PDE4B: variants seen among roughly 807,000 people sequenced by gnomAD.
The protein encoded by PDE4B is 3',5'-cyclic-AMP phosphodiesterase 4B.
A neutral mutation model predicts 82.2 loss-of-function variants in PDE4B; 20 were observed. The observed-to-expected ratio is 0.24, with a 90% CI of 0.17 to 0.35. The LOEUF (loss-of-function observed/expected upper bound fraction) is 0.35. PDE4B is among the 10% of genes least tolerant of loss of function. The probability of loss-of-function intolerance (pLI) is 1.00; values close to 1 mark genes in which losing one functional copy is unlikely to be tolerated. For missense variants in PDE4B, 655 were observed against 907.2 expected, an observed-to-expected ratio of 0.72 and a Z score of 3.57; for synonymous variants, 320 against 318.9, an observed-to-expected ratio of 1.00 and a Z score of -0.04.
intron 3 of PDE4B, among the ~76,000 whole-genome samples, chr1:66,107,611 A>G (rs1206149896): frequency 6.6e-6 from 1 of 152,044 alleles, no homozygotes; most frequent in Admixed American, 6.6e-5. Flanking sequence ...TTCTTGCTGC[A>G]GAAATAACAT....
intron 3 of PDE4B, among the ~76,000 whole-genome samples, chr1:66,232,036 C>T (rs1240788125): frequency 6.6e-6 from 1 of 152,160 alleles, no homozygotes; most frequent in Non-Finnish European, 1.5e-5. Flanking sequence ...CTAAGACCTG[C>T]TCATAGGCAT....
chr1:66,122,703 C>CTTTTTTTTTTTTTT (rs3036785), intron 3 of PDE4B, among the ~76,000 whole-genome samples: 3 of 111,958 alleles, frequency 2.7e-5, no homozygotes, highest in Non-Finnish European at 3.5e-5. Context: ...CTCTTCTTTT[C>CTTTTTTTTTTTTTT]TTTTTTTTTT....
rs115922110 is a variant in PDE4B, at chr1:66,372,718, G to A, written c.*40G>A. 2,389 of 1,574,692 alleles carry A rather than the reference G, an allele frequency of 1.5e-3. 31 individuals carry two copies. The African/African-American group carries it at 0.028, about 18-fold the overall frequency. ...TGGAGATGAACATTCTATCCTTGAT[G>A]AGCATGCCAGCTATGTGGTAGGGCC... On this transcript the variant is annotated 3_prime_UTR_variant, in exon 17 of 17. Coordinates refer to ENST00000341517, the MANE Select transcript of PDE4B (RefSeq NM_002600.4).
At chr1:66,131,155 T>TA (rs991403270) in intron 3 of PDE4B, among the ~76,000 whole-genome samples, 2 of 152,060 alleles carry the variant, frequency 1.3e-5, no homozygotes, top group African/African-American at 4.8e-5. Context: ...TGTGCAAAGG[T>TA]AAAAAACATA....
chr1:66,086,622 A>T (rs1411050689), intron 3 of PDE4B, among the ~76,000 whole-genome samples: 1 of 152,186 alleles, frequency 6.6e-6, no homozygotes, highest in Non-Finnish European at 1.5e-5. Context: ...ATTTTCTATT[A>T]TGCCAGTGGA....
intron 6 of PDE4B, among the ~76,000 whole-genome samples, chr1:66,264,151 A>G (rs947061950): frequency 2.0e-5 from 3 of 152,236 alleles, no homozygotes; most frequent in Admixed American, 2.0e-4. Flanking sequence ...TACAGGATGC[A>G]TGAGAGCACA....
chr1:66,093,018 TA>T (rs1162880133), intron 3 of PDE4B, among the ~76,000 whole-genome samples: 1 of 152,116 alleles, frequency 6.6e-6, no homozygotes, highest in Non-Finnish European at 1.5e-5. Context: ...TAAATGTATT[TA>T]AAAAATCACC....
chr1:66,369,346 C>A (rs1369290269), intron 16 of PDE4B, among the ~76,000 whole-genome samples: 1 of 152,180 alleles, frequency 6.6e-6, no homozygotes, highest in Non-Finnish European at 1.5e-5. Context: ...GCTTCCAGCC[C>A]TCTGTTTTTA....
chr1:66,294,026 T>A (rs1437565998), intron 7 of PDE4B, among the ~76,000 whole-genome samples: 1 of 152,128 alleles, frequency 6.6e-6, no homozygotes, highest in Non-Finnish European at 1.5e-5. Context: ...GCCAACATGG[T>A]GAAACCTCAT....
intron 3 of PDE4B, among the ~76,000 whole-genome samples, chr1:66,108,092 T>C (rs911738429): frequency 1.3e-5 from 2 of 151,938 alleles, no homozygotes; most frequent in Admixed American, 6.6e-5. Context: ...TCTACTCTCT[T>C]AGCAATTTTC....
intron 3 of PDE4B, among the ~76,000 whole-genome samples, chr1:66,008,647 G>A (rs1488638863): frequency 3.9e-5 from 6 of 151,952 alleles, no homozygotes; most frequent in South Asian, 2.1e-4. Flanking sequence ...CCAAATAATT[G>A]TACTGCTCTA....
intron 3 of PDE4B, among the ~76,000 whole-genome samples, chr1:66,140,116 T>A (rs1010686004): frequency 6.6e-6 from 1 of 152,182 alleles, no homozygotes; most frequent in Non-Finnish European, 1.5e-5. Context: ...GGGACCTTTT[T>A]TTTTCCTTTT....
At chr1:65,974,641 T>A (rs1260539742) in intron 3 of PDE4B, among the ~76,000 whole-genome samples, 1 of 152,176 alleles carries the variant, frequency 6.6e-6, no homozygotes, top group Non-Finnish European at 1.5e-5. Context: ...GGGAGGTGAA[T>A]GAATCATGGG....
intron 7 of PDE4B, among the ~76,000 whole-genome samples, chr1:66,329,572 C>T (rs1659965607): frequency 1.3e-5 from 2 of 152,156 alleles, no homozygotes; most frequent in Admixed American, 1.3e-4. Flanking sequence ...TCTTTCTTTT[C>T]TTCCTCACAC....
chr1:65,859,991 C>G (rs1457577905), intron 1 of PDE4B, among the ~76,000 whole-genome samples: 1 of 152,134 alleles, frequency 6.6e-6, no homozygotes, highest in Admixed American at 6.6e-5. Flanking sequence ...TAGAGCTAAT[C>G]TGGTGAAACA....
intron 3 of PDE4B, among the ~76,000 whole-genome samples, chr1:65,987,614 T>G (rs916384857): frequency 1.3e-5 from 2 of 152,186 alleles, no homozygotes; most frequent in East Asian, 1.9e-4. Flanking sequence ...TTTTTTGATT[T>G]ATTTATTTTT....
chr1:66,035,744 A>G lies in PDE4B; in HGVS notation c.281+116909A>G, dbSNP rs144314390. On this transcript the variant is annotated intron_variant, in intron 3 of 16. Coordinates refer to ENST00000341517, the MANE Select transcript of PDE4B (RefSeq NM_002600.4). ...TATACACACTTTAAAATTATTCATC[A>G]GTTTATAGACAAAAGTTATTTCCAT... is the stretch of plus-strand genomic sequence containing the variant. 5.9e-3 allele frequency among the ~76,000 whole-genome samples: 895 copies of G among 152,296 alleles called. 5 individuals are homozygous for G. Among genetic ancestry groups the G allele is most frequent in the Non-Finnish European group, 0.011 (740 of 68,012 alleles).
At chr1:66,265,227 T>C (rs528525313) in intron 6 of PDE4B, among the ~76,000 whole-genome samples, 1 of 152,316 alleles carries the variant, frequency 6.6e-6, no homozygotes, top group African/African-American at 2.4e-5. Flanking sequence ...GTGATTCTGA[T>C]GCACCCTAAA....
intron 3 of PDE4B, among the ~76,000 whole-genome samples, chr1:66,096,523 T>C (rs928395913): frequency 1.9e-4 from 27 of 139,756 alleles, no homozygotes; most frequent in Middle Eastern, 3.6e-3. Context: ...TATATATATA[T>C]ATATATATAT....
Sources: allele counts gnomAD v4.1 joint callset (sites outside exome capture counted in the v4.1 genomes callset), GRCh38; gene constraint gnomAD v4.1.1; transcripts MANE v1.5; gene names NCBI Gene and HGNC (gene_info 2026-07-23, HGNC 2026-07-21).